The following SCUBE1 variants were observed in gnomAD, a reference collection of about 807,000 sequenced individuals.
The protein encoded by SCUBE1 is signal peptide, CUB domain and EGF like domain containing 1.
A neutral mutation model predicts 124.4 loss-of-function variants in SCUBE1; 59 were observed. The observed-to-expected ratio is 0.47, with a 90% CI of 0.38 to 0.59. SCUBE1 has a LOEUF of 0.59. Among genes scored for constraint, SCUBE1 ranks in the 20% least tolerant of loss-of-function variants. The pLI is 0.00. For synonymous variants in SCUBE1, 545 were observed against 550.9 expected (o/e 0.99, Z 0.15); for missense variants, 1,150 against 1,371.2 (o/e 0.84, Z 2.55).
At chr22:43,217,592 C>T (rs1293155694) in intron 15 of SCUBE1, among the ~76,000 whole-genome samples, 1 of 152,210 alleles carries the variant, frequency 6.6e-6, no homozygotes, top group Non-Finnish European at 1.5e-5. Context: ...CCCCATCCAA[C>T]TCAAGAGTGG....
At chr22:43,265,585 C>A (rs756578947) in intron 4 of SCUBE1, among the ~76,000 whole-genome samples, 3 of 152,242 alleles carry the variant, frequency 2.0e-5, no homozygotes, top group Non-Finnish European at 2.9e-5. Flanking sequence ...CCAGCATCCC[C>A]AGCACGGGAG....
chr22:43,332,837 G>A (rs1367357385), intron 2 of SCUBE1, among the ~76,000 whole-genome samples: 4 of 152,056 alleles, frequency 2.6e-5, no homozygotes, highest in Non-Finnish European at 5.9e-5. Flanking sequence ...GAAGTTACAT[G>A]GGTCCTCACA....
intron 3 of SCUBE1, among the ~76,000 whole-genome samples, chr22:43,313,546 G>C (rs1033811101): frequency 5.3e-5 from 8 of 152,206 alleles, no homozygotes; most frequent in African/African-American, 1.4e-4. Context: ...CAATTGCATG[G>C]AGTTTGGAAT....
At position 43,211,690 on chromosome 22, in the gene SCUBE1, T is replaced by C. The variant is rs1294572590; in HGVS notation, c.2222-607A>G. ...CATCACCACACCCGGCTAATTATTT[T>C]TGTATTTTTTTTAAGTAGAGACAGG... On this transcript the variant is annotated intron_variant, in intron 17 of 21. Coordinates refer to ENST00000360835, the MANE Select transcript of SCUBE1 (RefSeq NM_173050.5). This position sits in a 1 kb window ranked among gnomAD's most constrained non-coding sequence, Gnocchi z 4.5. 6.6e-6 allele frequency among the ~76,000 whole-genome samples: 1 copy of C among 152,060 alleles called. No homozygotes were observed. Among genetic ancestry groups the C allele is most frequent in the East Asian group, 1.9e-4 (1 of 5,162 alleles).
rs1020715751 is a variant in SCUBE1, at chr22:43,314,497, C to G, written c.349+5440G>C. Among the ~76,000 whole-genome samples, 7 of 152,250 alleles carry G rather than the reference C, an allele frequency of 4.6e-5. 1 individual carries two copies. Among genetic ancestry groups the G allele is most frequent in the Admixed American group, 4.6e-4 (7 of 15,298 alleles). ...TGCAGCAGCACCCCCCTGACCCCAC[C>G]ACCATGGAGTAAGGGGTCCACAGGG... On this transcript the variant is annotated intron_variant, in intron 3 of 21. Coordinates refer to ENST00000360835, the MANE Select transcript of SCUBE1 (RefSeq NM_173050.5).
At position 43,339,105 on chromosome 22, in the gene SCUBE1, T is replaced by C. The variant is rs1927181084; in HGVS notation, c.219A>G (p.Glu73=). 1.2e-6 allele frequency: 2 copies of C among 1,613,542 alleles called. No homozygotes were observed. Among genetic ancestry groups the C allele is most frequent in the Non-Finnish European group, 1.7e-6 (2 of 1,179,658 alleles). ...CCGGGAGGGCCGGGCTGGACTCACCTTCACACTGCTTGCCTTCCCCCTTGT... is the reference window on the plus strand; with the variant it reads ...CCGGGAGGGCCGGGCTGGACTCACCCTCACACTGCTTGCCTTCCCCCTTGT... ...PGYKGEGKQC[E]DIDECENDYY... is the part of the protein sequence containing the mutation. The change falls in exon 2 of 22, where the codon GAA becomes GAG. Residue 73 remains glutamate, a splice_region_variant and synonymous_variant. Transcript: ENST00000360835.
intron 3 of SCUBE1, chr22:43,318,352 A>G (rs758111530): frequency 2.0e-5 from 3 of 152,154 alleles, no homozygotes; most frequent in Non-Finnish European, 2.9e-5. Flanking sequence ...CCCTGTCTCT[A>G]CAAAAAAACC....
At chr22:43,227,937 T>A (rs1569501698) in intron 9 of SCUBE1, among the ~76,000 whole-genome samples, 1 of 152,130 alleles carries the variant, frequency 6.6e-6, no homozygotes, top group Non-Finnish European at 1.5e-5. Context: ...CGCTAAGGCC[T>A]TTCCTCCTCT....
rs201262266 is a variant in SCUBE1, at chr22:43,227,377, C to G, written c.1204G>C (p.Val402Leu). The G allele has an allele frequency of 5.7e-5, 91 of 1,609,366 alleles. No homozygotes were observed. The highest frequency in any genetic ancestry group is 7.4e-5 in the Non-Finnish European group (87 of 1,179,402). ...GCAGCACAGGGCGGCCACCTACCCACGCAATCCTTCCCGTTCCAGTGGAGC... is the reference window on the plus strand; with the variant it reads ...GCAGCACAGGGCGGCCACCTACCCAGGCAATCCTTCCCGTTCCAGTGGAGC... ...RRLHWNGKDCVETGKCLSRAK... is the reference protein window; with the variant it reads ...RRLHWNGKDCLETGKCLSRAK... The change falls in exon 10 of 22, where the codon GTG (valine) becomes CTG (leucine). Residue 402 changes from valine to leucine, a missense_variant. By Grantham distance (32) the Val-to-Leu change is conservative. Transcript: ENST00000360835.
At chr22:43,320,679 T>A (rs1274858344) in intron 2 of SCUBE1, among the ~76,000 whole-genome samples, 1 of 152,210 alleles carries the variant, frequency 6.6e-6, no homozygotes, top group East Asian at 1.9e-4. Context: ...CACGCCCAAG[T>A]CCTGCTTGTA....
chr22:43,291,374 A>G (rs1267895661), intron 3 of SCUBE1, among the ~76,000 whole-genome samples, 194 bp from the exon 4 acceptor site: 1 of 152,168 alleles, frequency 6.6e-6, no homozygotes, highest in Non-Finnish European at 1.5e-5. Context: ...CCATGGTGGC[A>G]CTCTACAGTG....
chr22:43,203,632 C>T lies in SCUBE1; in HGVS notation c.*365G>A, dbSNP rs373457179. On this transcript the variant is annotated 3_prime_UTR_variant, in exon 22 of 22. Coordinates refer to ENST00000360835, the MANE Select transcript of SCUBE1 (RefSeq NM_173050.5). ...TCCTCTCTCCCCTGGACTCCTGTCT[C>T]GGATGACCACGCCTCCCAGAGCACA... 63 of 190,328 alleles carry T rather than the reference C, an allele frequency of 3.3e-4. No individual in the cohort carries two copies. In the Middle Eastern group the frequency reaches 6.7e-3, roughly 20 times the overall value. 11.8% of individuals were successfully genotyped at this position (190,328 alleles called of 1,614,324 possible). A position where few individuals can be genotyped will look rare whatever the true frequency, so the allele number is the denominator to read the frequency against.
rs913352433 is a variant in SCUBE1 at position 43,200,255 on chromosome 22, C to T, written c.*3742G>A. 6.6e-5 allele frequency: 10 copies of T among 152,422 alleles called. No individual in the cohort carries two copies. The highest frequency in any genetic ancestry group is 1.7e-4 in the African/African-American group (7 of 41,594). 9.4% of individuals were successfully genotyped at this position (152,422 alleles called of 1,614,324 possible). A position where few individuals can be genotyped will look rare whatever the true frequency, so the allele number is the denominator to read the frequency against. ...CCAGCAGCCCGCTTGCTTCTTGGCT[C>T]CTCTCCCTGGAGCACAGCGTGCGGC... is the stretch of plus-strand genomic sequence containing the variant. On this transcript the variant is annotated 3_prime_UTR_variant, in exon 22 of 22. Coordinates refer to ENST00000360835, the MANE Select transcript of SCUBE1 (RefSeq NM_173050.5).
chr22:43,296,201 G>A lies in SCUBE1; in HGVS notation c.350-5021C>T, dbSNP rs149168795. Among the ~76,000 whole-genome samples, 545 of 152,300 alleles carry A rather than the reference G, an allele frequency of 3.6e-3. 6 individuals are homozygous for A. The highest frequency in any genetic ancestry group is 0.011 in the African/African-American group (438 of 41,564). On this transcript the variant is annotated intron_variant, in intron 3 of 21. Transcript: ENST00000360835. ...GCGCTCAAAAACCCCAGCTCTGTTCGGGTCCCCACATCAGTCCAACTAGCA... is the reference window on the plus strand; with the variant it reads ...GCGCTCAAAAACCCCAGCTCTGTTCAGGTCCCCACATCAGTCCAACTAGCA...
intron 4 of SCUBE1, among the ~76,000 whole-genome samples, chr22:43,288,379 A>G (rs556576420): frequency 1.3e-5 from 2 of 151,940 alleles, no homozygotes; most frequent in Non-Finnish European, 2.9e-5. Flanking sequence ...TCCCCTAAGC[A>G]TCACTTCCTA....
intron 2 of SCUBE1, among the ~76,000 whole-genome samples, chr22:43,321,193 T>C (rs1231740189): frequency 6.6e-6 from 1 of 152,132 alleles, no homozygotes; most frequent in African/African-American, 2.4e-5. Context: ...CCCTATAGTG[T>C]AGAAGAGGGA....
rs545135708 is a variant in SCUBE1, at chr22:43,332,248, A to G, written c.220+6856T>C. Among the ~76,000 whole-genome samples the G allele has an allele frequency of 2.0e-5, 3 of 152,314 alleles. No individual in the cohort carries two copies. In the East Asian group the frequency reaches 5.8e-4, roughly 29 times the overall value. On this transcript the variant is annotated intron_variant, in intron 2 of 21. Coordinates refer to ENST00000360835, the MANE Select transcript of SCUBE1 (RefSeq NM_173050.5). ...GGTTGCAGTGAGCCGAGATTGAGCC[A>G]CTGAACTCCAGCCTGGTGACAAAGC...
At chr22:43,242,542 C>T (rs1487247894) in intron 6 of SCUBE1, among the ~76,000 whole-genome samples, 1 of 152,264 alleles carries the variant, frequency 6.6e-6, no homozygotes, top group Non-Finnish European at 1.5e-5. Flanking sequence ...TCTCTGGGTC[C>T]CATCCCGGCC....
At chr22:43,312,580 G>A (rs956922510) in intron 3 of SCUBE1, among the ~76,000 whole-genome samples, 22 of 152,150 alleles carry the variant, frequency 1.4e-4, no homozygotes, top group African/African-American at 4.3e-4. Flanking sequence ...GGAGGGCTCC[G>A]TACAGTTGGA....
Sources: gnomAD v4.1 joint callset for allele counts (sites outside exome capture counted in the v4.1 genomes callset) on GRCh38, gnomAD v4.1.1 for gene constraint, Gnocchi (gnomAD v3.1) non-coding constraint, MANE v1.5 for transcripts, NCBI Gene and HGNC (gene_info 2026-07-23, HGNC 2026-07-21) for gene names.